IGF2BP3: variants seen among roughly 807,000 people sequenced by gnomAD.
The protein encoded by IGF2BP3 is insulin like growth factor 2 mRNA binding protein 3, also known as insulin-like growth factor 2 mRNA-binding protein 3.
A neutral mutation model predicts 73.8 loss-of-function variants in IGF2BP3; 9 were observed. That is an observed-to-expected ratio of 0.12 (90% CI 0.07 to 0.21). IGF2BP3 has a LOEUF of 0.21. Ranked by LOEUF, IGF2BP3 falls within the 10% of genes least tolerant of loss-of-function variation. IGF2BP3 has a pLI of 1.00. For synonymous variants in IGF2BP3, 258 were observed against 256.7 expected, an observed-to-expected ratio of 1.01 and a Z score of -0.05; for missense variants, 542 against 714.0, an observed-to-expected ratio of 0.76 and a Z score of 2.75.
At chr7:23,351,699 G>T (rs1183707770) in intron 5 of IGF2BP3, 113 bp from the exon 6 acceptor site, 5 of 1,144,656 alleles carry the variant, frequency 4.4e-6, no homozygotes, top group Non-Finnish European at 4.9e-6. Context: ...AAACTTCTGA[G>T]TGAAGCCCCA....
In IGF2BP3 at chr7:23,423,298, T is replaced by C. The variant is rs1251813807; in HGVS notation, c.237-4474A>G. On this transcript the variant is annotated intron_variant, in intron 2 of 14. Coordinates refer to ENST00000258729, the MANE Select transcript of IGF2BP3 (RefSeq NM_006547.3). ...GCATGGAAAGAACTGGAGAAAAATC[T>C]ATCTCAGTCAGCTACACAATTAAAA... Among the ~76,000 whole-genome samples, 3 of 152,234 alleles carry C rather than the reference T, an allele frequency of 2.0e-5. No individual in the cohort carries two copies. The East Asian group carries it at 5.8e-4, about 29-fold the overall frequency.
At chr7:23,460,818 G>A (rs1349604349) in intron 2 of IGF2BP3, among the ~76,000 whole-genome samples, 1 of 152,182 alleles carries the variant, frequency 6.6e-6, no homozygotes, top group East Asian at 1.9e-4. Context: ...GGGCATGGTG[G>A]TGCGCACCTG....
At chr7:23,345,887 T>C in intron 8 of IGF2BP3, 53 bp downstream of exon 8, 3 of 1,588,188 alleles carry the variant, frequency 1.9e-6, no homozygotes, top group Non-Finnish European at 2.6e-6. Flanking sequence ...ATACACAACA[T>C]GCAGCTTACA....
intron 10 of IGF2BP3, among the ~76,000 whole-genome samples, chr7:23,338,154 G>A (rs910005445): frequency 1.3e-5 from 2 of 152,086 alleles, no homozygotes; most frequent in Non-Finnish European, 2.9e-5. Flanking sequence ...TATTTCCTAC[G>A]AGTTGGGATG....
At chr7:23,392,479 TATATATAC>T (rs1333589657) in intron 3 of IGF2BP3, among the ~76,000 whole-genome samples, 1 of 150,780 alleles carries the variant, frequency 6.6e-6, no homozygotes, top group African/African-American at 2.4e-5. Context: ...TATGTATATA[TATATATAC>T]ACACATACAC....
intron 2 of IGF2BP3, among the ~76,000 whole-genome samples, chr7:23,450,137 G>T (rs1282110286): frequency 2.0e-5 from 3 of 152,142 alleles, no homozygotes; most frequent in African/African-American, 4.8e-5. Context: ...TTGCAGCGAA[G>T]AATTATGCAA....
rs145313427 is a variant in IGF2BP3 at position 23,312,377 on chromosome 7, C to T, written c.1725G>A (p.Gln575=). 4.1e-5 allele frequency: 66 copies of T among 1,612,396 alleles called. No individual in the cohort carries two copies. In the Admixed American group the frequency reaches 4.7e-4, roughly 11 times the overall value. Residue 575 remains glutamine (Q), a synonymous_variant, in exon 15 of 15, where the codon CAG becomes CAA. Transcript: ENST00000258729. ...TCCTGAGCCTTTACTTCCGTCTTGA[C>T]TGAGGTGGTCCACTTTGCAGAGCCT... ...QQKALQSGPP[Q]SRRK is the part of the protein sequence containing the mutation.
chr7:23,442,819 G>A (rs1167257404), intron 2 of IGF2BP3, among the ~76,000 whole-genome samples: 1 of 151,968 alleles, frequency 6.6e-6, no homozygotes, highest in Non-Finnish European at 1.5e-5. Context: ...CATTTTACAT[G>A]TTTTGATGTT....
intron 10 of IGF2BP3, among the ~76,000 whole-genome samples, chr7:23,335,133 G>C (rs1372067239): frequency 2.2e-5 from 3 of 138,250 alleles, no homozygotes; most frequent in East Asian, 4.2e-4. Context: ...AGATAACCAA[G>C]GCTTCTCAGA....
chr7:23,408,781 T>C (rs1013277648), intron 3 of IGF2BP3, among the ~76,000 whole-genome samples: 3 of 152,136 alleles, frequency 2.0e-5, no homozygotes, highest in African/African-American at 4.8e-5. Flanking sequence ...TTGATCACAA[T>C]AGCCAAAAGG....
intron 10 of IGF2BP3, among the ~76,000 whole-genome samples, chr7:23,332,283 A>G (rs545081074): frequency 4.6e-5 from 7 of 152,290 alleles, no homozygotes; most frequent in African/African-American, 1.7e-4. Flanking sequence ...TCAATTCATC[A>G]TCTCTAATCA....
At chr7:23,459,708 G>A (rs1722545597) in intron 2 of IGF2BP3, among the ~76,000 whole-genome samples, 1 of 152,054 alleles carries the variant, frequency 6.6e-6, no homozygotes, top group Non-Finnish European at 1.5e-5. Context: ...GTGTGCGCCT[G>A]TAATCTCAGT....
intron 3 of IGF2BP3, among the ~76,000 whole-genome samples, chr7:23,400,584 G>A (rs563232383): frequency 6.6e-6 from 1 of 152,282 alleles, no homozygotes; most frequent in South Asian, 2.1e-4. Context: ...CAATCTGGCT[G>A]TACTTGTTCC....
chr7:23,328,517 A>G (rs1344843605), intron 10 of IGF2BP3, among the ~76,000 whole-genome samples: 2 of 152,210 alleles, frequency 1.3e-5, no homozygotes, highest in African/African-American at 4.8e-5. Flanking sequence ...TGAAGAAAAT[A>G]TTTTTAACAA....
intron 2 of IGF2BP3, among the ~76,000 whole-genome samples, chr7:23,450,285 AG>A (rs1788167697): frequency 6.6e-6 from 1 of 152,198 alleles, no homozygotes; most frequent in Admixed American, 6.5e-5. Flanking sequence ...CAGTTGTTTG[AG>A]TTGCAAGACG....
chr7:23,427,348 C>G (rs541234250), intron 2 of IGF2BP3, among the ~76,000 whole-genome samples: 1 of 152,162 alleles, frequency 6.6e-6, no homozygotes, highest in African/African-American at 2.4e-5. Context: ...CTATCATTGG[C>G]TTTTCCTCAC....
chr7:23,449,406 A>G (rs1179423018), intron 2 of IGF2BP3, among the ~76,000 whole-genome samples: 1 of 151,538 alleles, frequency 6.6e-6, no homozygotes, highest in Non-Finnish European at 1.5e-5. Context: ...AGTTCCAGCT[A>G]CTCGGAAGGC....
At chr7:23,440,553 A>G (rs1310852383) in intron 2 of IGF2BP3, among the ~76,000 whole-genome samples, 2 of 152,382 alleles carry the variant, frequency 1.3e-5, no homozygotes, top group African/African-American at 4.8e-5. Flanking sequence ...TGTTGAAATC[A>G]GTGTTTTGGA....
chr7:23,441,809 T>C (rs1415981635), intron 2 of IGF2BP3, among the ~76,000 whole-genome samples: 2 of 152,114 alleles, frequency 1.3e-5, no homozygotes, highest in Non-Finnish European at 2.9e-5. Flanking sequence ...TGTTTATAAA[T>C]TGAATAAGAT....
Sources: gnomAD v4.1 joint callset for allele counts (sites outside exome capture counted in the v4.1 genomes callset) on GRCh38, gnomAD v4.1.1 for gene constraint, MANE v1.5 for transcripts, NCBI Gene and HGNC (gene_info 2026-07-23, HGNC 2026-07-21) for gene names.